ANAPC1: variants seen among roughly 807,000 people sequenced by gnomAD.
ANAPC1 encodes the protein anaphase promoting complex subunit 1.
A neutral mutation model predicts 208.0 loss-of-function variants in ANAPC1; 36 were observed. That is an observed-to-expected ratio of 0.17 (90% CI 0.13 to 0.23). The LOEUF (loss-of-function observed/expected upper bound fraction) is 0.23, where lower values mean the gene tolerates loss of function less well. ANAPC1 is among the 10% of genes least tolerant of loss of function. The pLI is 1.00. For missense variants in ANAPC1, 942 were observed against 2,011.6 expected (o/e 0.47, Z 10.17); for synonymous variants, 378 against 695.2 (o/e 0.54, Z 7.18).
intron 17 of ANAPC1, among the ~76,000 whole-genome samples, chr2:111,843,085 ATTTC>A (rs1680856202): frequency 6.6e-6 from 1 of 152,210 alleles, no homozygotes; most frequent in African/African-American, 2.4e-5. Context: ...CAGATCTGTG[ATTTC>A]TTTGTGATCC....
chr2:111,863,913 A>G lies in ANAPC1; in HGVS notation c.832-18T>C. 1 of 1,541,508 alleles carries G rather than the reference A, an allele frequency of 6.5e-7. No homozygotes were observed. The highest frequency in any genetic ancestry group is 8.7e-7 in the Non-Finnish European group (1 of 1,150,506). On this transcript the variant is annotated intron_variant, in intron 8 of 47. Transcript: ENST00000341068. ...TTCTCTTCCTTAAGTCAAAATAAAG[A>G]GAAAGAGGAAAAAAAAAAAAACAAT...
In ANAPC1 at chr2:111,781,957, A is replaced by G. The variant is rs1677304911; in HGVS notation, c.5202+412T>C. 1.3e-5 allele frequency among the ~76,000 whole-genome samples: 2 copies of G among 152,286 alleles called. 1 individual carries two copies. The highest frequency in any genetic ancestry group is 4.1e-4 in the South Asian group (2 of 4,836). ...TCATCAGTTTATCCTCACCAAGATTAAGGAAACAAATGGTGGTTTTTAAAT... is the reference window on the plus strand; with the variant it reads ...TCATCAGTTTATCCTCACCAAGATTGAGGAAACAAATGGTGGTTTTTAAAT... On this transcript the variant is annotated intron_variant, in intron 43 of 47. Coordinates refer to ENST00000341068, the MANE Select transcript of ANAPC1 (RefSeq NM_022662.4).
intron 45 of ANAPC1, among the ~76,000 whole-genome samples, chr2:111,777,262 C>T (rs1333140883): frequency 1.3e-5 from 2 of 152,146 alleles, no homozygotes; most frequent in Non-Finnish European, 2.9e-5. Flanking sequence ...TATGGCCCTA[C>T]ATGAGCAGCT....
chr2:111,835,829 G>GAA (rs1680437230), intron 18 of ANAPC1, among the ~76,000 whole-genome samples: 1 of 151,964 alleles, frequency 6.6e-6, no homozygotes, highest in South Asian at 2.1e-4. Context: ...GCAACAGAGC[G>GAA]AGACTCCATC....
At chr2:111,774,993 C>T (rs1676929739) in intron 46 of ANAPC1, among the ~76,000 whole-genome samples, 1 of 152,196 alleles carries the variant, frequency 6.6e-6, no homozygotes, top group South Asian at 2.1e-4. Flanking sequence ...ATAGGCCAGG[C>T]GCCATGGCTC....
intron 29 of ANAPC1, among the ~76,000 whole-genome samples, chr2:111,807,745 A>G (rs1242956910): frequency 6.6e-6 from 1 of 152,012 alleles, no homozygotes; most frequent in African/African-American, 2.4e-5. Flanking sequence ...AAAAAGGCAT[A>G]TACATATGAA....
At position 111,803,973 on chromosome 2, in the gene ANAPC1, T is replaced by TAA. The variant is rs1678556489; in HGVS notation, c.3925-135_3925-134insTT. On this transcript the variant is annotated intron_variant, in intron 30 of 47. Coordinates refer to ENST00000341068, the MANE Select transcript of ANAPC1 (RefSeq NM_022662.4). The stretch of plus-strand genomic sequence containing the variant: ...GGGTTTTGTTTTTTTTATTTCCAAT[T>TAA]TAAAGCAAACATTAATCATGAGTTA... The TAA allele has an allele frequency of 1.1e-5, 6 of 551,314 alleles. No homozygotes were observed. The South Asian group carries it at 1.3e-4, about 12-fold the overall frequency. 34.2% of individuals were successfully genotyped at this position (551,314 alleles called of 1,614,324 possible). A position where few individuals can be genotyped will look rare whatever the true frequency, so the allele number is the denominator to read the frequency against.
intron 17 of ANAPC1, among the ~76,000 whole-genome samples, chr2:111,842,308 C>T (rs1680807266): frequency 2.0e-5 from 3 of 151,962 alleles, no homozygotes; most frequent in Admixed American, 2.0e-4. Flanking sequence ...CTCCATTTTC[C>T]ACATTTTCCT....
chr2:111,848,074 G>A (rs1681191234), intron 14 of ANAPC1, among the ~76,000 whole-genome samples: 1 of 151,714 alleles, frequency 6.6e-6, no homozygotes. Flanking sequence ...CTTAAGCCTA[G>A]GAATTTGAGG....
At chr2:111,779,807 C>A (rs1455553239) in intron 44 of ANAPC1, 1 of 215,474 alleles carries the variant, frequency 4.6e-6, no homozygotes, top group African/African-American at 2.4e-5. Context: ...CACGTCACTG[C>A]ACTCCAGCCT....
chr2:111,861,834 G>A (rs2104556233), intron 10 of ANAPC1, among the ~76,000 whole-genome samples: 1 of 118,378 alleles, frequency 8.4e-6, no homozygotes, highest in South Asian at 3.3e-4. Context: ...TTTCTCCCCA[G>A]AACAAAAAAC....
chr2:111,820,910 T>A (rs1183495707), intron 26 of ANAPC1, among the ~76,000 whole-genome samples: 2 of 144,532 alleles, frequency 1.4e-5, no homozygotes, highest in African/African-American at 4.9e-5. Flanking sequence ...TCCAGTGTTT[T>A]CTTTGTTTGT....
chr2:111,870,946 T>TGCC (rs1055765804), intron 6 of ANAPC1, among the ~76,000 whole-genome samples: 10 of 145,834 alleles, frequency 6.9e-5, no homozygotes, highest in African/African-American at 2.5e-4. Context: ...CTAAATAGGA[T>TGCC]GCCTTTCCCC....
chr2:111,828,491 C>A (rs1679956816), intron 21 of ANAPC1, among the ~76,000 whole-genome samples: 1 of 152,088 alleles, frequency 6.6e-6, no homozygotes, highest in Non-Finnish European at 1.5e-5. Flanking sequence ...ATTTGCATAC[C>A]CATGGTTCAC....
At chr2:111,865,988 G>A (rs1272281197) in intron 7 of ANAPC1, 18 of 182,256 alleles carry the variant, frequency 9.9e-5, no homozygotes, top group Non-Finnish European at 1.7e-4. Flanking sequence ...GGCGGCTCAC[G>A]AGGTCAGGAG....
At chr2:111,834,983 T>C (rs1256709763) in intron 18 of ANAPC1, 111 bp from the exon 19 acceptor site, 4 of 1,130,422 alleles carry the variant, frequency 3.5e-6, no homozygotes, top group Admixed American at 4.0e-5. Flanking sequence ...ATTAAGTTGA[T>C]CTAAGAGTAT....
At chr2:111,868,872 G>T (rs774306159) in intron 6 of ANAPC1, among the ~76,000 whole-genome samples, 1 of 151,904 alleles carries the variant, frequency 6.6e-6, no homozygotes, top group Non-Finnish European at 1.5e-5. Flanking sequence ...TTTTTAGAGC[G>T]AAGACGGGCT....
chr2:111,851,332 G>A (rs1356098392), intron 13 of ANAPC1, among the ~76,000 whole-genome samples: 4 of 151,798 alleles, frequency 2.6e-5, no homozygotes, highest in Non-Finnish European at 4.4e-5. Context: ...TGAACTTCTG[G>A]GCTGAAGCCA....
chr2:111,794,995 A>G, intron 34 of ANAPC1, 101 bp from the exon 35 acceptor site: 2 of 1,336,058 alleles, frequency 1.5e-6, no homozygotes, highest in Non-Finnish European at 1.0e-6. Context: ...CTATATTTAT[A>G]TAAAGTAAGC....
Sources: gnomAD v4.1 joint callset for allele counts (sites outside exome capture counted in the v4.1 genomes callset) on GRCh38, gnomAD v4.1.1 for gene constraint, MANE v1.5 for transcripts, NCBI Gene and HGNC (gene_info 2026-07-23, HGNC 2026-07-21) for gene names.